Variants in DCHS2 observed in about 807,000 individuals in gnomAD.
The protein encoded by DCHS2 is protocadherin-23.
Under a neutral mutation model 182.4 loss-of-function variants are expected in DCHS2, and 142 were observed. That is an observed-to-expected ratio of 0.78 (90% confidence interval 0.68 to 0.89). The LOEUF (loss-of-function observed/expected upper bound fraction) is 0.89. Among genes scored for constraint, DCHS2 ranks in the 40% least tolerant of loss-of-function variants. The pLI, the probability that DCHS2 is intolerant of heterozygous loss-of-function variation, is 0.00. For synonymous variants in DCHS2, 1,740 were observed against 1,663.3 expected (o/e 1.05, Z -1.12); for missense variants, 4,319 against 4,198.6 (o/e 1.03, Z -0.79).
intron 7 of DCHS2, among the ~76,000 whole-genome samples, chr4:154,323,746 T>C (rs1177057186): frequency 6.6e-6 from 1 of 152,080 alleles, no homozygotes; most frequent in African/African-American, 2.4e-5. Flanking sequence ...AAATATTGTA[T>C]AAAATTACCT....
chr4:154,399,813 T>C (rs1560735355), intron 1 of DCHS2, among the ~76,000 whole-genome samples: 1 of 152,148 alleles, frequency 6.6e-6, no homozygotes, highest in African/African-American at 2.4e-5. Context: ...GCATTTCAAG[T>C]TGCTTCAGAA....
intron 13 of DCHS2, among the ~76,000 whole-genome samples, chr4:154,295,694 G>A (rs1354210484): frequency 1.3e-5 from 2 of 152,182 alleles, no homozygotes; most frequent in East Asian, 3.9e-4. Flanking sequence ...ACCAAAGAAA[G>A]CAATGACTAG....
rs59154846 is a variant in DCHS2, at chr4:154,319,656, T to TAAAAAAAAAAAAAAAAAAAAAAAAA, written c.5020+722_5020+723insTTTTTTTTTTTTTTTTTTTTTTTTT. On this transcript the variant is annotated intron_variant, in intron 9 of 19. Coordinates refer to ENST00000357232, the MANE Select transcript of DCHS2 (RefSeq NM_001358235.2). ...TTATACCTGTTAGGATGGCTGTTAC[T>TAAAAAAAAAAAAAAAAAAAAAAAAA]AAAAAAAAAAAAAAAAAAAAAAAAG... 1.7e-5 allele frequency among the ~76,000 whole-genome samples: 2 copies of TAAAAAAAAAAAAAAAAAAAAAAAAA among 116,942 alleles called. 1 individual carries two copies. The highest frequency in any genetic ancestry group is 6.5e-5 in the African/African-American group (2 of 30,998). 76.7% of individuals were successfully genotyped at this position (116,942 alleles called of 152,430 possible). A position where few individuals can be genotyped will look rare whatever the true frequency, so the allele number is the denominator to read the frequency against.
At chr4:154,347,182 T>C (rs1729399539) in intron 3 of DCHS2, among the ~76,000 whole-genome samples, 1 of 150,820 alleles carries the variant, frequency 6.6e-6, no homozygotes, top group Non-Finnish European at 1.5e-5. Flanking sequence ...TAATTTTATG[T>C]TCTCAGTGCT....
intron 13 of DCHS2, among the ~76,000 whole-genome samples, chr4:154,277,201 T>G (rs930474446): frequency 3.9e-5 from 6 of 152,170 alleles, no homozygotes; most frequent in African/African-American, 1.4e-4. Flanking sequence ...TTGGGGCTTC[T>G]CCACTGGGAT....
intron 1 of DCHS2, among the ~76,000 whole-genome samples, chr4:154,423,806 A>G (rs760058032): frequency 3.9e-5 from 6 of 152,242 alleles, no homozygotes; most frequent in Non-Finnish European, 7.3e-5. Context: ...ATTAAAATGC[A>G]TATAAACCAC....
rs762572078 is a variant in DCHS2 at position 154,323,260 on chromosome 4, T to C, written c.4019-772A>G. 12 of 1,549,340 alleles carry C rather than the reference T, an allele frequency of 7.7e-6. No individual in the cohort carries two copies. In the Admixed American group the frequency reaches 9.8e-5, roughly 13 times the overall value. On this transcript the variant is annotated intron_variant, in intron 7 of 19. Coordinates refer to ENST00000357232, the MANE Select transcript of DCHS2 (RefSeq NM_001358235.2). Reference sequence around the variant, plus strand: ...GATTCAGGTCAGGATTTTGTTTGTTTGTTTGTTTGTTTGTTTTTTGCACGA... The same window carrying C: ...GATTCAGGTCAGGATTTTGTTTGTTCGTTTGTTTGTTTGTTTTTTGCACGA...
chr4:154,429,876 C>T (rs879797598), intron 1 of DCHS2, among the ~76,000 whole-genome samples: 1 of 152,132 alleles, frequency 6.6e-6, no homozygotes, highest in East Asian at 1.9e-4. Flanking sequence ...GCTGTGTAAT[C>T]GTATGCAAGC....
At chr4:154,405,477 T>A (rs1036844000) in intron 1 of DCHS2, among the ~76,000 whole-genome samples, 3 of 151,348 alleles carry the variant, frequency 2.0e-5, no homozygotes, top group African/African-American at 7.3e-5. Flanking sequence ...TATATTTTCA[T>A]TGCTCCATTC....
At chr4:154,456,750 T>C (rs745448180) in intron 1 of DCHS2, among the ~76,000 whole-genome samples, 1 of 152,172 alleles carries the variant, frequency 6.6e-6, no homozygotes, top group East Asian at 1.9e-4. Context: ...GTCAGAGCTA[T>C]AGGTAAAGGG....
chr4:154,400,009 A>G (rs920202025), intron 1 of DCHS2, among the ~76,000 whole-genome samples: 5 of 152,208 alleles, frequency 3.3e-5, no homozygotes, highest in African/African-American at 9.6e-5. Flanking sequence ...TTTAAAAGTA[A>G]GTAGGCTTTC....
At chr4:154,263,355 A>G (rs1733076155) in intron 14 of DCHS2, among the ~76,000 whole-genome samples, 1 of 152,130 alleles carries the variant, frequency 6.6e-6, no homozygotes, top group Non-Finnish European at 1.5e-5. Context: ...ACTAAAATGC[A>G]TGATAAATTA....
At position 154,329,613 on chromosome 4, in the gene DCHS2, G is replaced by A. The variant is rs1338519742; in HGVS notation, c.3828C>T (p.Ala1276=). ...VTDRGSPPRN[A]TMAVYVSVTD... Reference sequence around the variant, plus strand: ...TAACTGAGACGTAAACCGCCATGGTGGCGTTTCGTGGTGGGGAGCCGCGGT... The same window carrying A: ...TAACTGAGACGTAAACCGCCATGGTAGCGTTTCGTGGTGGGGAGCCGCGGT... The change falls in exon 6 of 20, where the codon GCC becomes GCT. Residue 1276 remains alanine, a synonymous_variant. Transcript: ENST00000357232. The A allele has an allele frequency of 6.2e-7, 1 of 1,612,990 alleles. No homozygotes were observed. Among genetic ancestry groups the A allele is most frequent in the African/African-American group, 1.3e-5 (1 of 74,886 alleles).
In DCHS2 at chr4:154,268,278, AAATTGCCAG is replaced by A. The variant is rs1161571088; in HGVS notation, c.6577+1613_6577+1621del. On this transcript the variant is annotated intron_variant, in intron 14 of 19. Transcript: ENST00000357232. ...TTTACCACTTCTCTTTGGCATATCT[AAATTGCCAG>A]AATCCAGAATACTACACTCGTGCTT... is the stretch of plus-strand genomic sequence containing the variant. Among the ~76,000 whole-genome samples, 7 of 149,222 alleles carry A rather than the reference AAATTGCCAG, an allele frequency of 4.7e-5. No individual in the cohort carries two copies. The East Asian group carries it at 1.4e-3, about 31-fold the overall frequency.
chr4:154,371,353 G>C (rs1001656106), intron 2 of DCHS2, among the ~76,000 whole-genome samples: 5 of 152,140 alleles, frequency 3.3e-5, no homozygotes, highest in African/African-American at 1.2e-4. Flanking sequence ...CTGTCAGCTT[G>C]TGATTGGTGG....
rs560245308 is a variant in DCHS2, at chr4:154,481,865, C to T, written c.2052+7439G>A. Among the ~76,000 whole-genome samples, 18 of 152,266 alleles carry T rather than the reference C, an allele frequency of 1.2e-4. No homozygotes were observed. In the South Asian group the frequency reaches 1.2e-3, roughly 11 times the overall value. ...ACTCTGCATTGCAAGCTTTTATCCA[C>T]GGGATTACTCTTCTTCTGTCCAAAT... On this transcript the variant is annotated intron_variant, in intron 1 of 19. Coordinates refer to ENST00000357232, the MANE Select transcript of DCHS2 (RefSeq NM_001358235.2).
intron 1 of DCHS2, among the ~76,000 whole-genome samples, chr4:154,459,419 CA>C (rs1365505880): frequency 2.6e-5 from 4 of 152,016 alleles, no homozygotes; most frequent in Non-Finnish European, 5.9e-5. Context: ...AAAAAATCAT[CA>C]AAAAATCCAA....
intron 1 of DCHS2, among the ~76,000 whole-genome samples, chr4:154,462,973 G>A (rs1236692256): frequency 1.3e-5 from 2 of 151,814 alleles, no homozygotes; most frequent in South Asian, 2.1e-4. Flanking sequence ...ATGAGAAAAA[G>A]CCAAAACCTC....
Position 154,233,511 on chromosome 4 carries a change from T to C in DCHS2, c.*1025A>G, listed in dbSNP as rs1345669123. 6.6e-6 allele frequency: 1 copy of C among 152,216 alleles called. No homozygotes were observed. Among genetic ancestry groups the C allele is most frequent in the East Asian group, 1.9e-4 (1 of 5,202 alleles). 9.4% of individuals were successfully genotyped at this position (152,216 alleles called of 1,614,324 possible). ...TTCCATAAAAAACTTCATTTAAAAA[T>C]ATATTGCTAAATTACTCTATGAGAT... On this transcript the variant is annotated 3_prime_UTR_variant, in exon 20 of 20. Transcript: ENST00000357232.
Sources: allele counts gnomAD v4.1 joint callset (sites outside exome capture counted in the v4.1 genomes callset), GRCh38; gene constraint gnomAD v4.1.1; transcripts MANE v1.5; gene names NCBI Gene and HGNC (gene_info 2026-07-23, HGNC 2026-07-21).